CHRM3: variants seen among roughly 807,000 people sequenced by gnomAD.
CHRM3 encodes the protein muscarinic acetylcholine receptor M3.
CHRM3 carries 11 observed loss-of-function variants against 41.8 expected under a neutral mutation model. That is an observed-to-expected ratio of 0.26 (90% CI 0.17 to 0.44). CHRM3 has a LOEUF of 0.44. Among genes scored for constraint, CHRM3 ranks in the 20% least tolerant of loss-of-function variants. The pLI is 1.00. For missense variants in CHRM3, 571 were observed against 745.4 expected, an observed-to-expected ratio of 0.77 and a Z score of 2.72; for synonymous variants, 297 against 301.4, an observed-to-expected ratio of 0.99 and a Z score of 0.15.
intron 2 of CHRM3, among the ~76,000 whole-genome samples, chr1:239,508,035 G>C (rs1668687040): frequency 6.6e-6 from 1 of 152,162 alleles, no homozygotes; most frequent in Non-Finnish European, 1.5e-5. Flanking sequence ...TTCTGACTGG[G>C]AAGACGGAGG....
At chr1:239,575,178 G>T (rs184065520) in intron 3 of CHRM3, among the ~76,000 whole-genome samples, 2 of 152,236 alleles carry the variant, frequency 1.3e-5, no homozygotes, top group East Asian at 3.9e-4. Flanking sequence ...TATTATTTGT[G>T]TAGGTAAGTT....
intron 5 of CHRM3, among the ~76,000 whole-genome samples, chr1:239,773,913 C>T (rs955194922): frequency 5.9e-5 from 9 of 152,090 alleles, no homozygotes; most frequent in Non-Finnish European, 8.8e-5. Flanking sequence ...TAGCCATTAT[C>T]AGATTGGCAG....
At chr1:239,441,115 A>G (rs1651074767) in intron 1 of CHRM3, among the ~76,000 whole-genome samples, 1 of 152,192 alleles carries the variant, frequency 6.6e-6, no homozygotes, top group South Asian at 2.1e-4. Context: ...GAGGGATTGT[A>G]AAATTCTAAA....
At chr1:239,841,698 G>A (rs998051106) in intron 6 of CHRM3, among the ~76,000 whole-genome samples, 2 of 152,168 alleles carry the variant, frequency 1.3e-5, no homozygotes, top group African/African-American at 4.8e-5. Context: ...CTGGGGTCAG[G>A]AGTAATATGT....
chr1:239,729,765 T>A (rs1663786850), intron 5 of CHRM3, among the ~76,000 whole-genome samples: 1 of 150,830 alleles, frequency 6.6e-6, no homozygotes, highest in Non-Finnish European at 1.5e-5. Flanking sequence ...CATGCATTGG[T>A]AAAAGATTCA....
chr1:239,908,666 C>G lies in CHRM3; in HGVS notation c.1215C>G (p.Ala405=), dbSNP rs201022119. ...ELGMVDLERK[A]DKLQAQKSVD... The stretch of plus-strand genomic sequence containing the variant: ...GGATGGTGGACTTGGAGAGGAAAGC[C>G]GACAAGCTGCAGGCCCAGAAGAGCG... Residue 405 remains alanine (A), a synonymous_variant, in exon 7 of 7, where the codon GCC becomes GCG. Transcript: ENST00000676153. This position sits in a 1 kb window ranked among gnomAD's most constrained non-coding sequence, Gnocchi z 7.2. 9.9e-6 allele frequency: 16 copies of G among 1,612,666 alleles called. No individual in the cohort carries two copies. Among genetic ancestry groups the G allele is most frequent in the Non-Finnish European group, 1.4e-5 (16 of 1,179,402 alleles).
chr1:239,760,008 G>C (rs939811890), intron 5 of CHRM3, among the ~76,000 whole-genome samples: 1 of 151,750 alleles, frequency 6.6e-6, no homozygotes, highest in Non-Finnish European at 1.5e-5. Flanking sequence ...TCTGCCTCCC[G>C]GGTTCACACC....
chr1:239,419,129 G>C (rs1325578899), intron 1 of CHRM3, among the ~76,000 whole-genome samples: 1 of 152,116 alleles, frequency 6.6e-6, no homozygotes, highest in Non-Finnish European at 1.5e-5. Context: ...GAAGTCAAAG[G>C]CAATACTAAT....
At chr1:239,679,131 G>A (rs1259792601) in intron 5 of CHRM3, among the ~76,000 whole-genome samples, 1 of 152,134 alleles carries the variant, frequency 6.6e-6, no homozygotes, top group South Asian at 2.1e-4. Context: ...AGTATGCAAT[G>A]ACTAAGGGAT....
chr1:239,600,334 A>G (rs950263739), intron 3 of CHRM3, among the ~76,000 whole-genome samples: 6 of 151,734 alleles, frequency 4.0e-5, no homozygotes, highest in African/African-American at 1.2e-4. Context: ...GCTGACCCCT[A>G]TGTGGGCTCT....
intron 1 of CHRM3, among the ~76,000 whole-genome samples, chr1:239,489,640 TG>T (rs1182732422): frequency 1.3e-5 from 2 of 152,230 alleles, no homozygotes; most frequent in Non-Finnish European, 2.9e-5. Context: ...TGATACTTTA[TG>T]TTTTTTGCTA....
chr1:239,422,313 A>C (rs1248158953), intron 1 of CHRM3, among the ~76,000 whole-genome samples: 1 of 152,154 alleles, frequency 6.6e-6, no homozygotes, highest in East Asian at 1.9e-4. Context: ...TAAATCCTGA[A>C]AGTAGCTTAC....
At chr1:239,525,961 GTACATTT>G (rs1427905113) in intron 2 of CHRM3, among the ~76,000 whole-genome samples, 1 of 152,204 alleles carries the variant, frequency 6.6e-6, no homozygotes, top group East Asian at 1.9e-4. Flanking sequence ...TCAGGCATCA[GTACATTT>G]TAAAGCTTCT....
intron 1 of CHRM3, among the ~76,000 whole-genome samples, chr1:239,411,449 G>A (rs57533762): frequency 5.3e-5 from 8 of 152,160 alleles, no homozygotes; most frequent in African/African-American, 1.4e-4. Context: ...GTTGTGGACC[G>A]GGCGTGGTGG....
intron 6 of CHRM3, among the ~76,000 whole-genome samples, chr1:239,901,887 T>A (rs573019092): frequency 6.6e-6 from 1 of 152,348 alleles, no homozygotes; most frequent in South Asian, 2.1e-4. Flanking sequence ...GTTGGATTGC[T>A]AGTTCATGGT....
At chr1:239,532,455 C>A in intron 2 of CHRM3, among the ~76,000 whole-genome samples, 2 of 150,862 alleles carry the variant, frequency 1.3e-5, no homozygotes, top group Non-Finnish European at 1.5e-5. Flanking sequence ...GTGAAACCCC[C>A]TCTCTACTAA....
intron 2 of CHRM3, among the ~76,000 whole-genome samples, chr1:239,514,763 G>T (rs1312596342): frequency 6.6e-6 from 1 of 152,022 alleles, no homozygotes; most frequent in Non-Finnish European, 1.5e-5. Flanking sequence ...GAGTTTCCAG[G>T]TAGATAATTT....
chr1:239,560,314 A>C (rs1245367674), intron 3 of CHRM3, among the ~76,000 whole-genome samples: 1 of 152,014 alleles, frequency 6.6e-6, no homozygotes, highest in African/African-American at 2.4e-5. Context: ...TTTTTTAATG[A>C]TATTTCTTTT....
chr1:239,674,062 G>GA (rs2149070559), intron 4 of CHRM3, among the ~76,000 whole-genome samples: 1 of 152,156 alleles, frequency 6.6e-6, no homozygotes, highest in East Asian at 1.9e-4. Flanking sequence ...TCCAAAATCT[G>GA]AAAAAATCAG....
Sources: gnomAD v4.1 joint callset for allele counts (sites outside exome capture counted in the v4.1 genomes callset) on GRCh38, gnomAD v4.1.1 for gene constraint, Gnocchi (gnomAD v3.1) non-coding constraint, MANE v1.5 for transcripts, NCBI Gene and HGNC (gene_info 2026-07-23, HGNC 2026-07-21) for gene names.